The following ZNF385C variants were observed in gnomAD, a reference collection of about 807,000 sequenced individuals.
The protein encoded by ZNF385C is zinc finger protein 385C.
A neutral mutation model predicts 35.4 loss-of-function variants in ZNF385C; 28 were observed. The observed-to-expected ratio is 0.79, with a 90% confidence interval of 0.59 to 1.08. The LOEUF (loss-of-function observed/expected upper bound fraction) is 1.08. Among genes scored for constraint, ZNF385C ranks in the 50% least tolerant of loss-of-function variants. ZNF385C has a pLI of 0.00. For synonymous variants in ZNF385C, 248 were observed against 248.2 expected (o/e 1.00, Z 0.01); for missense variants, 605 against 595.6 (o/e 1.02, Z -0.16).
chr17:42,093,527 G>A (rs2053884489), intron 1 of ZNF385C, among the ~76,000 whole-genome samples: 2 of 151,984 alleles, frequency 1.3e-5, no homozygotes, highest in Non-Finnish European at 2.9e-5. Flanking sequence ...CAACAGAGGA[G>A]TTAGAGGAGA....
At chr17:42,031,865 A>C (rs1053379416) in intron 4 of ZNF385C, 81 bp from the exon 5 acceptor site, 1 of 1,489,356 alleles carries the variant, frequency 6.7e-7, no homozygotes, top group Non-Finnish European at 9.0e-7. Context: ...CAGCAGGGGG[A>C]CAGGTCAAAG....
In ZNF385C at chr17:42,026,107, T is replaced by G. The variant is rs1437194619; in HGVS notation, c.*790A>C. The G allele has an allele frequency of 6.6e-6, 1 of 152,202 alleles. No homozygotes were observed. Among genetic ancestry groups the G allele is most frequent in the East Asian group, 1.9e-4 (1 of 5,166 alleles). 9.4% of individuals were successfully genotyped at this position (152,202 alleles called of 1,614,324 possible). ...TATTAAGACTGGGCTTATCAGCAAG[T>G]ATCACTTGAACCAGGGAGGCAGAGG... On this transcript the variant is annotated 3_prime_UTR_variant, in exon 9 of 9. Coordinates refer to ENST00000692273, the MANE Select transcript of ZNF385C (RefSeq NM_001392013.1).
chr17:42,043,209 C>T (rs962347421), intron 2 of ZNF385C: 16 of 1,232,162 alleles, frequency 1.3e-5, no homozygotes, highest in Middle Eastern at 3.1e-4. Flanking sequence ...CTTTGCCATG[C>T]TTGTTCCGTA....
intron 1 of ZNF385C, among the ~76,000 whole-genome samples, chr17:42,069,657 G>A (rs1555658646): frequency 6.6e-6 from 1 of 152,206 alleles, no homozygotes; most frequent in Non-Finnish European, 1.5e-5. Flanking sequence ...CCACCCTCCC[G>A]CCTCCCCAGC....
chr17:42,069,465 G>A (rs11079031), intron 1 of ZNF385C, among the ~76,000 whole-genome samples: 32,800 of 152,170 alleles, frequency 0.22, 3,993 homozygotes, highest in East Asian at 0.33. Flanking sequence ...GGCAGCAGAC[G>A]GTTGTTTCTG....
chr17:42,036,545 A>G (rs2052859791), intron 3 of ZNF385C, among the ~76,000 whole-genome samples: 1 of 152,102 alleles, frequency 6.6e-6, no homozygotes, highest in Non-Finnish European at 1.5e-5. Flanking sequence ...TAAAAATAAA[A>G]TAAAATAAAA....
chr17:42,098,301 G>C (rs1204157520), intron 1 of ZNF385C, 109 bp downstream of exon 1: 13 of 152,398 alleles, frequency 8.5e-5, no homozygotes, highest in African/African-American at 2.9e-4. Flanking sequence ...TGTCCCTTGG[G>C]GTCCCCCAAT....
At chr17:42,045,962 A>T (rs1332049914) in intron 2 of ZNF385C, among the ~76,000 whole-genome samples, 1 of 152,086 alleles carries the variant, frequency 6.6e-6, no homozygotes, top group Non-Finnish European at 1.5e-5. Flanking sequence ...TTCCCAGTAG[A>T]CACCAAGCTG....
At chr17:42,045,827 A>G in intron 2 of ZNF385C, among the ~76,000 whole-genome samples, 1 of 152,046 alleles carries the variant, frequency 6.6e-6, no homozygotes, top group East Asian at 1.9e-4. Flanking sequence ...CTCTTTACTG[A>G]TATCCCACTG....
At chr17:42,068,535 T>TA (rs1321417061) in intron 1 of ZNF385C, among the ~76,000 whole-genome samples, 1 of 152,106 alleles carries the variant, frequency 6.6e-6, no homozygotes, top group East Asian at 1.9e-4. Flanking sequence ...TTGGGGGGGA[T>TA]AGGGTTTGAC....
At chr17:42,074,509 A>G (rs1158497781) in intron 1 of ZNF385C, among the ~76,000 whole-genome samples, 5 of 151,788 alleles carry the variant, frequency 3.3e-5, no homozygotes, top group Non-Finnish European at 7.4e-5. Flanking sequence ...CTCCTGCCTC[A>G]GCCTCCCAAG....
intron 1 of ZNF385C, among the ~76,000 whole-genome samples, chr17:42,069,871 C>T (rs1272927430): frequency 6.6e-6 from 1 of 151,862 alleles, no homozygotes; most frequent in African/African-American, 2.4e-5. Flanking sequence ...GGTGAAACCC[C>T]GTCTCTACTA....
chr17:42,097,486 T>G (rs1227463071), intron 1 of ZNF385C, among the ~76,000 whole-genome samples: 2 of 152,136 alleles, frequency 1.3e-5, no homozygotes, highest in Non-Finnish European at 2.9e-5. Flanking sequence ...AGGCTTGCGA[T>G]GATCTCAGGA....
At chr17:42,064,447 T>C (rs75476920) in intron 1 of ZNF385C, among the ~76,000 whole-genome samples, 15,727 of 152,244 alleles carry the variant, frequency 0.1, 1,114 homozygotes, top group Middle Eastern at 0.25. Context: ...AAAATGCATA[T>C]GTTGAAGTAA....
chr17:42,039,313 G>A (rs1412249963), intron 2 of ZNF385C: 4 of 193,076 alleles, frequency 2.1e-5, no homozygotes, highest in African/African-American at 9.3e-5. Flanking sequence ...ACCAGTGTCC[G>A]TTCCCTCAGC....
Position 42,053,469 on chromosome 17 carries a change from C to T in ZNF385C, c.250+9338G>A, listed in dbSNP as rs117017354. 4.3e-3 allele frequency among the ~76,000 whole-genome samples: 646 copies of T among 150,690 alleles called. 4 individuals carry two copies. The highest frequency in any genetic ancestry group is 6.3e-3 in the Non-Finnish European group (427 of 68,006). Reference sequence around the variant, plus strand: ...GTAACAGCTCTCTCTTCACTCCCCTCGGACGTCTCCCCCTCCCCTGGCCCC... The same window carrying T: ...GTAACAGCTCTCTCTTCACTCCCCTTGGACGTCTCCCCCTCCCCTGGCCCC... On this transcript the variant is annotated intron_variant, in intron 2 of 8. Transcript: ENST00000692273.
At chr17:42,046,537 C>A (rs1555656636) in intron 2 of ZNF385C, among the ~76,000 whole-genome samples, 2 of 151,984 alleles carry the variant, frequency 1.3e-5, no homozygotes, top group African/African-American at 4.8e-5. Context: ...GAGTTCAAGG[C>A]TATAGTGAGC....
intron 1 of ZNF385C, among the ~76,000 whole-genome samples, chr17:42,084,921 A>G (rs1276335613): frequency 2.0e-5 from 3 of 152,052 alleles, no homozygotes; most frequent in Non-Finnish European, 4.4e-5. Flanking sequence ...CTGGCCAGTC[A>G]TAATTTTAAT....
chr17:42,042,852 C>A, intron 2 of ZNF385C: 1 of 1,232,348 alleles, frequency 8.1e-7, no homozygotes, highest in Non-Finnish European at 1.0e-6. Context: ...CCCTCACCCT[C>A]CTGGGACTGT....
Sources: gnomAD v4.1 joint callset for allele counts (sites outside exome capture counted in the v4.1 genomes callset) on GRCh38, gnomAD v4.1.1 for gene constraint, MANE v1.5 for transcripts, NCBI Gene and HGNC (gene_info 2026-07-23, HGNC 2026-07-21) for gene names.